Variants in RSU1 observed in about 807,000 individuals in gnomAD.
The protein encoded by RSU1 is Ras suppressor protein 1.
Under a neutral mutation model 31.1 loss-of-function variants are expected in RSU1, and 26 were observed. The observed-to-expected ratio is 0.84, with a 90% CI of 0.61 to 1.16. The LOEUF (loss-of-function observed/expected upper bound fraction) is 1.16. Among genes scored for constraint, RSU1 ranks in the 50% most tolerant of loss-of-function variants. The pLI is 0.00. For missense variants in RSU1, 320 were observed against 339.1 expected (o/e 0.94, Z 0.44); for synonymous variants, 164 against 136.3 (o/e 1.20, Z -1.41).
chr10:16,810,981 C>T (rs1462374012), intron 2 of RSU1, among the ~76,000 whole-genome samples: 2 of 144,926 alleles, frequency 1.4e-5, no homozygotes, highest in Non-Finnish European at 3.0e-5. Context: ...AAGATCATGC[C>T]ACTGTAGTCC....
At position 16,605,716 on chromosome 10, in the gene RSU1, G is replaced by A. The variant is rs565640475; in HGVS notation, c.732-12220C>T. On this transcript the variant is annotated intron_variant, in intron 8 of 8. Coordinates refer to ENST00000345264, the MANE Select transcript of RSU1 (RefSeq NM_012425.4). ...TGTGCAGACCGAGGCAAGTGTTCCC[G>A]TCTTTGGGGGCAGTTATCCTCTGTG... Among the ~76,000 whole-genome samples the A allele has an allele frequency of 5.3e-5, 8 of 152,284 alleles. No homozygotes were observed. In the South Asian group the frequency reaches 8.3e-4, roughly 16 times the overall value.
chr10:16,758,228 A>G (rs566866385), intron 4 of RSU1, among the ~76,000 whole-genome samples: 30 of 152,336 alleles, frequency 2.0e-4, no homozygotes, highest in Admixed American at 3.9e-4. Flanking sequence ...CCCCAGCTAC[A>G]AAGCGGCCAA....
At chr10:16,620,281 T>C (rs1235995127) in intron 8 of RSU1, among the ~76,000 whole-genome samples, 2 of 152,210 alleles carry the variant, frequency 1.3e-5, no homozygotes, top group East Asian at 3.9e-4. Context: ...TGTAGGCTGC[T>C]GTTGATGTCA....
intron 2 of RSU1, among the ~76,000 whole-genome samples, chr10:16,802,632 C>T (rs1424625246): frequency 6.6e-6 from 1 of 152,062 alleles, no homozygotes; most frequent in Non-Finnish European, 1.5e-5. Context: ...GACATAGATA[C>T]AAAAATCCTC....
intron 4 of RSU1, among the ~76,000 whole-genome samples, chr10:16,756,465 C>T (rs902814805): frequency 2.0e-5 from 3 of 152,134 alleles, no homozygotes; most frequent in Non-Finnish European, 4.4e-5. Context: ...ACCAACCCTC[C>T]GCTTCCTCCT....
intron 8 of RSU1, among the ~76,000 whole-genome samples, chr10:16,629,103 C>A (rs1247681082): frequency 6.6e-6 from 1 of 152,144 alleles, no homozygotes; most frequent in Non-Finnish European, 1.5e-5. Context: ...TGGAGTCTGC[C>A]TGGGAGCCTG....
rs1170736755 is a variant in RSU1, at chr10:16,592,053, T to C, written c.*1341A>G. 2 of 151,670 alleles carry C rather than the reference T, an allele frequency of 1.3e-5. No individual in the cohort carries two copies. The allele number at this position is 151,670 out of a possible 1,614,324, so 9.4% of individuals were successfully genotyped here. ...TGTTTCCTAAGTAACTCAGAACTTG[T>C]TGTTTGATTTTGATTTTTGACTTTT... On this transcript the variant is annotated 3_prime_UTR_variant, in exon 9 of 9. Transcript: ENST00000345264.
chr10:16,806,760 A>G (rs1222240602), intron 2 of RSU1, among the ~76,000 whole-genome samples: 1 of 152,038 alleles, frequency 6.6e-6, no homozygotes. Flanking sequence ...CTGTTTCATT[A>G]TTTATTTATT....
intron 2 of RSU1, 31 bp from the exon 3 acceptor site, chr10:16,782,115 T>C (rs770635582): frequency 1.9e-6 from 3 of 1,550,258 alleles, no homozygotes; most frequent in Non-Finnish European, 2.7e-6. Context: ...AAAAGGTCAG[T>C]CAGTAAATGT....
At chr10:16,621,313 TAAG>T (rs1834066205) in intron 8 of RSU1, among the ~76,000 whole-genome samples, 1 of 152,132 alleles carries the variant, frequency 6.6e-6, no homozygotes, top group African/African-American at 2.4e-5. Context: ...ATTTCTGGTG[TAAG>T]AAAAACTTAC....
chr10:16,669,894 T>C (rs1432865210), intron 8 of RSU1, among the ~76,000 whole-genome samples: 1 of 152,234 alleles, frequency 6.6e-6, no homozygotes, highest in East Asian at 1.9e-4. Flanking sequence ...TCTTTATTCA[T>C]ACTTACATGC....
intron 7 of RSU1, among the ~76,000 whole-genome samples, chr10:16,720,543 C>T (rs2131589373): frequency 6.6e-6 from 1 of 152,286 alleles, no homozygotes; most frequent in East Asian, 1.9e-4. Context: ...TCAGGGTAAA[C>T]AGAAAATCCT....
chr10:16,786,767 G>A (rs1269701193), intron 2 of RSU1, among the ~76,000 whole-genome samples: 4 of 152,060 alleles, frequency 2.6e-5, no homozygotes, highest in Admixed American at 6.5e-5. Flanking sequence ...CCGCTTCGTT[G>A]GCCTTTAAAC....
chr10:16,673,205 T>C (rs570730024), intron 8 of RSU1, among the ~76,000 whole-genome samples: 3 of 151,986 alleles, frequency 2.0e-5, no homozygotes, highest in Non-Finnish European at 4.4e-5. Flanking sequence ...TCATCTCCGG[T>C]ACCTGGTAGG....
intron 8 of RSU1, among the ~76,000 whole-genome samples, chr10:16,617,691 C>A (rs1834001249): frequency 6.6e-6 from 1 of 152,192 alleles, no homozygotes; most frequent in East Asian, 1.9e-4. Flanking sequence ...CGCACACCTA[C>A]AACCATCTGA....
chr10:16,768,013 A>G (rs1359204243), intron 3 of RSU1, among the ~76,000 whole-genome samples: 1 of 152,258 alleles, frequency 6.6e-6, no homozygotes, highest in African/African-American at 2.4e-5. Context: ...GGAATTTTCT[A>G]GATATCTACA....
chr10:16,768,515 C>T (rs1230927833), intron 3 of RSU1, among the ~76,000 whole-genome samples: 1 of 152,130 alleles, frequency 6.6e-6, no homozygotes, highest in African/African-American at 2.4e-5. Context: ...TATCCCCTGG[C>T]TCCTCAATGT....
intron 4 of RSU1, 130 bp from the exon 5 acceptor site, chr10:16,755,119 A>ATTTTTAT: frequency 2.0e-6 from 1 of 510,444 alleles, no homozygotes; most frequent in Non-Finnish European, 3.5e-6. Flanking sequence ...TTTATACTTT[A>ATTTTTAT]TTTTTATTTT....
At chr10:16,616,870 A>T (rs1478894288) in intron 8 of RSU1, among the ~76,000 whole-genome samples, 19 of 152,224 alleles carry the variant, frequency 1.2e-4, no homozygotes, top group Admixed American at 1.2e-3. Flanking sequence ...CATATCTCAA[A>T]AAGATCTGTT....
Sources: gnomAD v4.1 joint callset for allele counts (sites outside exome capture counted in the v4.1 genomes callset) on GRCh38, gnomAD v4.1.1 for gene constraint, MANE v1.5 for transcripts, NCBI Gene and HGNC (gene_info 2026-07-23, HGNC 2026-07-21) for gene names.